SENP7: variants seen among roughly 807,000 people sequenced by gnomAD.
SENP7 encodes sentrin-specific protease 7.
In SENP7, 64 loss-of-function variants were observed where a neutral mutation model predicts 141.2. That is an observed-to-expected ratio of 0.45 (90% CI 0.37 to 0.56). The LOEUF (loss-of-function observed/expected upper bound fraction) is 0.56, where lower values mean the gene tolerates loss of function less well. Among genes scored for constraint, SENP7 ranks in the 20% least tolerant of loss-of-function variants. The probability of loss-of-function intolerance (pLI) is 0.00; values close to 1 mark genes in which losing one functional copy is unlikely to be tolerated. For missense variants in SENP7, 1,025 were observed against 1,212.2 expected (o/e 0.85, Z 2.29); for synonymous variants, 382 against 426.4 (o/e 0.90, Z 1.28).
intron 3 of SENP7, among the ~76,000 whole-genome samples, chr3:101,472,916 C>G (rs1465246636): frequency 1.3e-5 from 2 of 152,160 alleles, no homozygotes; most frequent in Non-Finnish European, 2.9e-5. Flanking sequence ...CTCACACCCT[C>G]CACCTTCTGA....
intron 4 of SENP7, among the ~76,000 whole-genome samples, chr3:101,435,500 G>A (rs190265696): frequency 5.3e-5 from 8 of 152,082 alleles, no homozygotes; most frequent in African/African-American, 1.2e-4. Flanking sequence ...CAAATTACTC[G>A]TTTGCTGATG....
At chr3:101,489,790 G>A (rs548635384) in intron 3 of SENP7, among the ~76,000 whole-genome samples, 9 of 152,118 alleles carry the variant, frequency 5.9e-5, no homozygotes, top group Non-Finnish European at 8.8e-5. Flanking sequence ...ACTTAAACTC[G>A]GAAGTGATTA....
intron 4 of SENP7, among the ~76,000 whole-genome samples, chr3:101,422,127 C>T (rs1197374842): frequency 2.6e-5 from 4 of 152,118 alleles, no homozygotes; most frequent in Admixed American, 6.5e-5. Flanking sequence ...CATAGGAGCA[C>T]GAACCCTATT....
At chr3:101,377,163 A>G (rs1425938766) in intron 6 of SENP7, among the ~76,000 whole-genome samples, 1 of 152,148 alleles carries the variant, frequency 6.6e-6, no homozygotes, top group East Asian at 1.9e-4. Context: ...ACTGCATCAA[A>G]CGAAGTGCAA....
At chr3:101,419,045 A>G (rs2061707113) in intron 4 of SENP7, among the ~76,000 whole-genome samples, 1 of 152,202 alleles carries the variant, frequency 6.6e-6, no homozygotes, top group African/African-American at 2.4e-5. Flanking sequence ...AATATGTGCT[A>G]TGAAGAAGAA....
intron 5 of SENP7, among the ~76,000 whole-genome samples, chr3:101,404,838 G>A (rs769100285): frequency 2.6e-5 from 4 of 152,160 alleles, no homozygotes; most frequent in Admixed American, 6.5e-5. Flanking sequence ...CAACATCACT[G>A]ATCATTAGAG....
chr3:101,466,126 C>G (rs968100164), intron 3 of SENP7, among the ~76,000 whole-genome samples: 1 of 151,938 alleles, frequency 6.6e-6, no homozygotes, highest in Non-Finnish European at 1.5e-5. Context: ...GCCTACATAA[C>G]ATATGAGATG....
rs557890057 is a variant in SENP7, at chr3:101,431,959, C to T, written c.285-14169G>A. Reference sequence around the variant, plus strand: ...TGCACCTTTGGTACCAGCATGGCCACAGCGGAGTAGAGCACCAAAGAGGCT... The same window carrying T: ...TGCACCTTTGGTACCAGCATGGCCATAGCGGAGTAGAGCACCAAAGAGGCT... On this transcript the variant is annotated intron_variant, in intron 4 of 23. Coordinates refer to ENST00000394095, the MANE Select transcript of SENP7 (RefSeq NM_020654.5). 3.3e-5 allele frequency among the ~76,000 whole-genome samples: 5 copies of T among 152,288 alleles called. No homozygotes were observed. In the East Asian group the frequency reaches 7.7e-4, roughly 24 times the overall value.
At chr3:101,365,991 G>A (rs531836827) in intron 9 of SENP7, among the ~76,000 whole-genome samples, 5 of 152,296 alleles carry the variant, frequency 3.3e-5, no homozygotes, top group South Asian at 4.1e-4. Flanking sequence ...AGATGTGGGC[G>A]AGTATTCACT....
At chr3:101,397,867 A>C (rs901476383) in intron 6 of SENP7, among the ~76,000 whole-genome samples, 1 of 152,188 alleles carries the variant, frequency 6.6e-6, no homozygotes, top group Admixed American at 6.5e-5. Flanking sequence ...AGCTTGTAGC[A>C]AATGGAAGTT....
intron 15 of SENP7, 117 bp downstream of exon 15, chr3:101,341,529 T>C (rs2059326820): frequency 5.5e-6 from 5 of 912,550 alleles, no homozygotes; most frequent in Non-Finnish European, 7.5e-6. Flanking sequence ...TTTCCATTAC[T>C]ATCAGCATGA....
chr3:101,442,360 A>T (rs745954421), intron 4 of SENP7, among the ~76,000 whole-genome samples: 1 of 152,202 alleles, frequency 6.6e-6, no homozygotes, highest in Non-Finnish European at 1.5e-5. Context: ...GTTCCATCTC[A>T]TATCATCAGG....
intron 4 of SENP7, among the ~76,000 whole-genome samples, chr3:101,438,297 T>C (rs564817295): frequency 6.6e-6 from 1 of 152,356 alleles, no homozygotes; most frequent in African/African-American, 2.4e-5. Flanking sequence ...TGAATGAACC[T>C]TGAGGACATT....
Position 101,398,866 on chromosome 3 carries a change from A to C in SENP7, c.672T>G (p.Ser224=), listed in dbSNP as rs938899549. 1.3e-6 allele frequency: 2 copies of C among 1,584,146 alleles called. No individual in the cohort carries two copies. Among genetic ancestry groups the C allele is most frequent in the Non-Finnish European group, 1.7e-6 (2 of 1,163,860 alleles). ...NLNPHKSCYL[S]ERGSQRSKTV... ...AAAGTTATCACTAAACATACCTTTC[A>C]GATAAATAACAGCTCTTGTGAGGGT... is the stretch of plus-strand genomic sequence containing the variant. The change falls in exon 6 of 24, where the codon TCT becomes TCG. Residue 224 remains serine (S), a synonymous_variant. Coordinates refer to ENST00000394095, the MANE Select transcript of SENP7 (RefSeq NM_020654.5).
intron 4 of SENP7, among the ~76,000 whole-genome samples, chr3:101,449,749 C>T (rs1005178768): frequency 1.3e-5 from 2 of 152,166 alleles, no homozygotes; most frequent in African/African-American, 4.8e-5. Flanking sequence ...CAACTGGTAC[C>T]AGCCACTGCA....
intron 3 of SENP7, among the ~76,000 whole-genome samples, chr3:101,469,133 T>A (rs1056988534): frequency 6.6e-6 from 1 of 151,788 alleles, no homozygotes; most frequent in African/African-American, 2.4e-5. Flanking sequence ...TACATAATGG[T>A]AAAGGGATCA....
intron 3 of SENP7, among the ~76,000 whole-genome samples, chr3:101,476,011 C>T (rs2108000280): frequency 6.6e-6 from 1 of 152,284 alleles, no homozygotes; most frequent in East Asian, 1.9e-4. Context: ...ATCTACAGAA[C>T]ATTTCATCCA....
intron 3 of SENP7, among the ~76,000 whole-genome samples, chr3:101,479,423 C>T (rs1430711707): frequency 6.6e-6 from 1 of 152,094 alleles, no homozygotes; most frequent in Non-Finnish European, 1.5e-5. Flanking sequence ...TGGCAAGACA[C>T]CATCCTCTGC....
intron 6 of SENP7, among the ~76,000 whole-genome samples, chr3:101,379,742 C>T (rs1175700095): frequency 6.6e-6 from 1 of 152,136 alleles, no homozygotes; most frequent in African/African-American, 2.4e-5. Context: ...TAACATGGTG[C>T]AGCCACTATG....
Sources: gnomAD v4.1 joint callset for allele counts (sites outside exome capture counted in the v4.1 genomes callset) on GRCh38, gnomAD v4.1.1 for gene constraint, MANE v1.5 for transcripts, NCBI Gene and HGNC (gene_info 2026-07-23, HGNC 2026-07-21) for gene names.